ZNF44: variants seen among roughly 807,000 people sequenced by gnomAD.
The protein encoded by ZNF44 is gonadotropin inducible transcription repressor-2.
In ZNF44, 9 loss-of-function variants were observed where a neutral mutation model predicts 11.7. The ratio of observed to expected loss-of-function variants is 0.77; its 90% confidence interval spans 0.46 to 1.35. The LOEUF (loss-of-function observed/expected upper bound fraction) is 1.35, where lower values mean the gene tolerates loss of function less well. Ranked by LOEUF, ZNF44 falls within the 40% of genes most tolerant of loss-of-function variation. The pLI is 0.00. For missense variants in ZNF44, 696 were observed against 743.1 expected, an observed-to-expected ratio of 0.94 and a Z score of 0.74; for synonymous variants, 224 against 242.7, an observed-to-expected ratio of 0.92 and a Z score of 0.72.
intron 1 of ZNF44, among the ~76,000 whole-genome samples, chr19:12,283,414 C>A (rs978911394): frequency 1.1e-4 from 16 of 152,222 alleles, no homozygotes; most frequent in African/African-American, 3.6e-4. Flanking sequence ...CTGCAAGCTC[C>A]GCCTCCCGAG....
At chr19:12,279,366 A>G (rs1453184749) in intron 1 of ZNF44, among the ~76,000 whole-genome samples, 2 of 152,140 alleles carry the variant, frequency 1.3e-5, no homozygotes, top group South Asian at 2.1e-4. Context: ...ATTTAAAAAA[A>G]AGAAAAAGAA....
At chr19:12,248,386 T>C (rs1916842748) in exon 8 of ZNF44, 1 of 1,291,082 alleles carries the variant, frequency 7.7e-7, no homozygotes, top group African/African-American at 1.5e-5. Context: ...GCACTGTGTG[T>C]TCTTTTATGT....
intron 2 of ZNF44, among the ~76,000 whole-genome samples, chr19:12,232,857 G>T (rs1347668026): frequency 6.6e-6 from 1 of 152,108 alleles, no homozygotes; most frequent in African/African-American, 2.4e-5. Flanking sequence ...GATTCCCACA[G>T]TACCATTGTC....
chr19:12,253,648 C>T (rs1917117424), intron 5 of ZNF44, among the ~76,000 whole-genome samples: 3 of 152,064 alleles, frequency 2.0e-5, no homozygotes, highest in Admixed American at 2.0e-4. Flanking sequence ...CAACACCCTC[C>T]TACCAGTAAT....
chr19:12,270,473 A>T (rs529629439), downstream of ZNF44, among the ~76,000 whole-genome samples: 6 of 151,466 alleles, frequency 4.0e-5, no homozygotes, highest in Admixed American at 3.3e-4. Context: ...TCTTCTTGAG[A>T]CCGAGTCTCA....
chr19:12,272,145 A>T lies in ZNF44; in HGVS notation c.*262T>A, dbSNP rs1041925450. 2.4e-5 allele frequency: 8 copies of T among 332,534 alleles called. No homozygotes were observed. The highest frequency in any genetic ancestry group is 1.7e-4 in the African/African-American group (8 of 46,042). 20.6% of individuals were successfully genotyped at this position (332,534 alleles called of 1,614,324 possible). A position where few individuals can be genotyped will look rare whatever the true frequency, so the allele number is the denominator to read the frequency against. Reference sequence around the variant, plus strand: ...CTGAGTAGCTAGGACTACAGGTGTGAGCAACTATGCCTGGCTATTTTTTTT... The same window carrying T: ...CTGAGTAGCTAGGACTACAGGTGTGTGCAACTATGCCTGGCTATTTTTTTT... On this transcript the variant is annotated 3_prime_UTR_variant, in exon 4 of 4. Coordinates refer to ENST00000355684, the MANE Select transcript of ZNF44 (RefSeq NM_016264.4).
At chr19:12,270,384 G>A (rs528728797), downstream of ZNF44, among the ~76,000 whole-genome samples, 5 of 151,914 alleles carry the variant, frequency 3.3e-5, no homozygotes, top group Admixed American at 3.3e-4. Context: ...TTCTAACACT[G>A]TTATCGCTGC....
intron 2 of ZNF44, among the ~76,000 whole-genome samples, chr19:12,233,709 G>C (rs1916258827): frequency 6.6e-6 from 1 of 152,092 alleles, no homozygotes. Context: ...TCTAGCTGAA[G>C]GTTTCTCCAC....
intron 5 of ZNF44, among the ~76,000 whole-genome samples, chr19:12,257,535 C>T (rs756439575): frequency 6.6e-6 from 1 of 152,010 alleles, no homozygotes; most frequent in South Asian, 2.1e-4. Context: ...TGCCTGTAAT[C>T]CCAGCATTTT....
intron 1 of ZNF44, among the ~76,000 whole-genome samples, chr19:12,285,455 T>C (rs1411856851): frequency 6.6e-6 from 1 of 152,158 alleles, no homozygotes; most frequent in African/African-American, 2.4e-5. Context: ...TGTTTCACCA[T>C]GTTGGCCAGG....
At chr19:12,263,714 A>G (rs907730743) in intron 5 of ZNF44, among the ~76,000 whole-genome samples, 5 of 151,830 alleles carry the variant, frequency 3.3e-5, no homozygotes, top group Non-Finnish European at 5.9e-5. Flanking sequence ...TCACGAGGTC[A>G]GGAGATCGAG....
chr19:12,235,147 C>T (rs1032764396), intron 1 of ZNF44, among the ~76,000 whole-genome samples: 1 of 151,780 alleles, frequency 6.6e-6, no homozygotes, highest in Admixed American at 6.6e-5. Flanking sequence ...GGGGCAGAGG[C>T]GGGCGGATCA....
intron 1 of ZNF44, among the ~76,000 whole-genome samples, chr19:12,292,350 C>CAT (rs1423422911): frequency 2.0e-5 from 3 of 151,238 alleles, no homozygotes; most frequent in East Asian, 1.9e-4. Context: ...TAGAAAACTA[C>CAT]ATATATATAA....
chr19:12,248,076 G>A, exon 8 of ZNF44: 1 of 1,322,842 alleles, frequency 7.6e-7, no homozygotes, highest in African/African-American at 1.5e-5. Flanking sequence ...AAAACCTACA[G>A]AAGATATGTA....
intron 1 of ZNF44, among the ~76,000 whole-genome samples, chr19:12,286,846 G>A (rs899689085): frequency 6.6e-6 from 1 of 151,664 alleles, no homozygotes; most frequent in Non-Finnish European, 1.5e-5. Flanking sequence ...AGCTACTCGG[G>A]AGGCTGAGGC....
intron 1 of ZNF44, among the ~76,000 whole-genome samples, chr19:12,278,028 G>A (rs1055467832): frequency 6.6e-6 from 1 of 152,216 alleles, no homozygotes; most frequent in Non-Finnish European, 1.5e-5. Context: ...CCAAGGTGTT[G>A]GGAACAGGCC....
chr19:12,265,671 G>A (rs549448731), intron 5 of ZNF44, among the ~76,000 whole-genome samples: 9 of 152,166 alleles, frequency 5.9e-5, no homozygotes, highest in Non-Finnish European at 1.3e-4. Flanking sequence ...AAGATACTGG[G>A]AGGTGAGGCA....
downstream of ZNF44, chr19:12,242,735 C>T (rs117847774): frequency 0.075 from 11,354 of 151,014 alleles, 617 homozygotes; most frequent in Non-Finnish European, 0.12. Flanking sequence ...ACCTGTAGTC[C>T]CAGCTATTCA....
intron 1 of ZNF44, among the ~76,000 whole-genome samples, chr19:12,281,249 T>C (rs2145745567): frequency 6.6e-6 from 1 of 152,288 alleles, no homozygotes. Flanking sequence ...CAAATCATAT[T>C]AGAATTAATG....
Sources: allele counts gnomAD v4.1 joint callset (sites outside exome capture counted in the v4.1 genomes callset), GRCh38; gene constraint gnomAD v4.1.1; transcripts MANE v1.5; gene names NCBI Gene and HGNC (gene_info 2026-07-23, HGNC 2026-07-21).